STK39: variants seen among roughly 807,000 people sequenced by gnomAD.
STK39 encodes STE20/SPS1-related proline-alanine-rich protein kinase.
Under a neutral mutation model 77.8 loss-of-function variants are expected in STK39, and 20 were observed. The observed-to-expected ratio is 0.26, with a 90% CI of 0.18 to 0.37. The LOEUF (loss-of-function observed/expected upper bound fraction) is 0.37, where lower values mean the gene tolerates loss of function less well. Ranked by LOEUF, STK39 falls within the 10% of genes least tolerant of loss-of-function variation. The probability of loss-of-function intolerance (pLI) is 1.00; values close to 1 mark genes in which losing one functional copy is unlikely to be tolerated. For missense variants in STK39, 479 were observed against 656.5 expected (o/e 0.73, Z 2.95); for synonymous variants, 246 against 234.1 (o/e 1.05, Z -0.47).
intron 1 of STK39, among the ~76,000 whole-genome samples, chr2:168,215,588 T>G (rs1010761063): frequency 6.6e-6 from 1 of 152,110 alleles, no homozygotes; most frequent in African/African-American, 2.4e-5. Flanking sequence ...TCAAATACAG[T>G]GTATCTAACA....
intron 10 of STK39, among the ~76,000 whole-genome samples, chr2:168,127,175 G>A (rs10209013): frequency 0.8 from 121,734 of 152,114 alleles, 48,671 homozygotes; most frequent in African/African-American, 0.8. Context: ...GTTTTGAGAC[G>A]GGGTCTTGCT....
intron 1 of STK39, among the ~76,000 whole-genome samples, chr2:168,185,777 A>AAT (rs928648067): frequency 1.4e-4 from 22 of 152,184 alleles, no homozygotes; most frequent in African/African-American, 4.3e-4. Flanking sequence ...CTTTGCATTT[A>AAT]GTGCATTTAG....
chr2:168,204,671 G>C (rs1689696624), intron 1 of STK39, among the ~76,000 whole-genome samples: 1 of 152,220 alleles, frequency 6.6e-6, no homozygotes, highest in Admixed American at 6.5e-5. Flanking sequence ...TCTTTCTGCA[G>C]CTTTTTCTTT....
Position 168,247,551 on chromosome 2 carries a change from C to CCGCCGCCGCCGCCGT in STK39, c.-117_-116insACGGCGGCGGCGGCG. The stretch of plus-strand genomic sequence containing the variant: ...CGGCGCACGCCCTCCCCGCCCGCCG[C>CCGCCGCCGCCGCCGT]CGCCGCCGCCGTCCCCGCCGAAGCC... On this transcript the variant is annotated 5_prime_UTR_variant, in exon 1 of 18. Transcript: ENST00000355999. The CCGCCGCCGCCGCCGT allele has an allele frequency of 1.4e-6, 1 of 711,058 alleles. No homozygotes were observed. The highest frequency in any genetic ancestry group is 1.8e-6 in the Non-Finnish European group (1 of 550,266). The allele number at this position is 711,058 out of a possible 1,614,324, so 44.0% of individuals were successfully genotyped here.
intron 1 of STK39, among the ~76,000 whole-genome samples, chr2:168,236,894 C>T: frequency 6.6e-6 from 1 of 152,058 alleles, no homozygotes; most frequent in South Asian, 2.1e-4. Flanking sequence ...ATGCCTCCAG[C>T]TTTGTTCTTT....
chr2:168,017,729 T>C (rs540524877), intron 14 of STK39, among the ~76,000 whole-genome samples: 1 of 151,902 alleles, frequency 6.6e-6, no homozygotes, highest in East Asian at 1.9e-4. Context: ...TGGTATCCAT[T>C]TTTTTTCTTG....
intron 1 of STK39, among the ~76,000 whole-genome samples, chr2:168,219,400 TG>T (rs1380026843): frequency 6.6e-6 from 1 of 152,112 alleles, no homozygotes; most frequent in Non-Finnish European, 1.5e-5. Context: ...TCAGGCACTA[TG>T]GGGACTTCCT....
chr2:168,102,193 TTTCTGGGCCATATGCTAACC>T (rs1243378156), intron 10 of STK39, among the ~76,000 whole-genome samples: 12 of 152,022 alleles, frequency 7.9e-5, no homozygotes, highest in Non-Finnish European at 1.6e-4. Context: ...AGAAGTAGAA[TTTCTGGGCCATATGCTAACC>T]TTCTGAGGAA....
intron 16 of STK39, among the ~76,000 whole-genome samples, chr2:168,010,291 T>C (rs926039470): frequency 5.3e-5 from 8 of 152,258 alleles, no homozygotes; most frequent in Non-Finnish European, 1.2e-4. Context: ...ATTAATTAAC[T>C]GTTCTATTTC....
At chr2:168,079,917 T>G (rs150264687) in intron 10 of STK39, among the ~76,000 whole-genome samples, 3,013 of 152,252 alleles carry the variant, frequency 0.02, 102 homozygotes, top group African/African-American at 0.069. Flanking sequence ...CTGTGACACA[T>G]GTAACATGTG....
At chr2:168,246,496 C>T (rs1387593973) in intron 1 of STK39, among the ~76,000 whole-genome samples, 2 of 152,272 alleles carry the variant, frequency 1.3e-5, no homozygotes, top group African/African-American at 4.8e-5. Flanking sequence ...GAAGCATCGG[C>T]CCGGTGCAGG....
chr2:168,237,914 T>C (rs1398753750), intron 1 of STK39, among the ~76,000 whole-genome samples: 1 of 152,130 alleles, frequency 6.6e-6, no homozygotes, highest in Non-Finnish European at 1.5e-5. Context: ...TTTGCTTTCT[T>C]GAGTCACCCC....
chr2:168,120,606 C>A (rs1316272885), intron 10 of STK39, among the ~76,000 whole-genome samples: 1 of 152,086 alleles, frequency 6.6e-6, no homozygotes, highest in Non-Finnish European at 1.5e-5. Context: ...TGGCAGCAAT[C>A]ATAAATGTTA....
At chr2:167,957,022 AACTGTACTGTTCATAGTG>A (rs1691804502) in intron 17 of STK39, among the ~76,000 whole-genome samples, 1 of 144,650 alleles carries the variant, frequency 6.9e-6, no homozygotes, top group African/African-American at 2.9e-5. Flanking sequence ...CTGTTTTTTG[AACTGTACTGTTCATAGTG>A]TACTGTTTTT....
intron 16 of STK39, among the ~76,000 whole-genome samples, chr2:167,980,767 TTA>T (rs1354725594): frequency 6.7e-6 from 1 of 150,198 alleles, no homozygotes; most frequent in Non-Finnish European, 1.5e-5. Flanking sequence ...TTTTTTTTTT[TTA>T]AATGTGTAGT....
chr2:167,969,794 G>C (rs1006179722), intron 16 of STK39, among the ~76,000 whole-genome samples: 1 of 152,172 alleles, frequency 6.6e-6, no homozygotes, highest in Admixed American at 6.5e-5. Flanking sequence ...TTCACCCAGA[G>C]GGCAGGGGAG....
At chr2:168,199,558 C>A (rs1249847623) in intron 1 of STK39, among the ~76,000 whole-genome samples, 1 of 149,770 alleles carries the variant, frequency 6.7e-6, no homozygotes, top group Non-Finnish European at 1.5e-5. Flanking sequence ...GACAGAGTCT[C>A]GCTCTGTTGC....
intron 17 of STK39, among the ~76,000 whole-genome samples, chr2:167,962,222 C>T (rs748109996): frequency 1.3e-5 from 2 of 152,224 alleles, no homozygotes; most frequent in East Asian, 3.9e-4. Context: ...CAGCAGCTTA[C>T]GAGGAAAAAC....
chr2:167,988,389 G>C (rs1201821680), intron 16 of STK39, among the ~76,000 whole-genome samples: 1 of 152,206 alleles, frequency 6.6e-6, no homozygotes, highest in African/African-American at 2.4e-5. Flanking sequence ...AGCTCTCCAT[G>C]TTTTCTAGCA....
Sources: allele counts gnomAD v4.1 joint callset (sites outside exome capture counted in the v4.1 genomes callset), GRCh38; gene constraint gnomAD v4.1.1; transcripts MANE v1.5; gene names NCBI Gene and HGNC (gene_info 2026-07-23, HGNC 2026-07-21).